UBE2V1: variants seen among roughly 807,000 people sequenced by gnomAD.
The protein encoded by UBE2V1 is ubiquitin conjugating enzyme E2 V1.
A neutral mutation model predicts 19.6 loss-of-function variants in UBE2V1; 15 were observed. The ratio of observed to expected loss-of-function variants is 0.77; its 90% CI spans 0.51 to 1.18. UBE2V1 has a LOEUF of 1.18. Among genes scored for constraint, UBE2V1 ranks in the 50% most tolerant of loss-of-function variants. The pLI is 0.00. For missense variants in UBE2V1, 125 were observed against 184.8 expected, an observed-to-expected ratio of 0.68 and a Z score of 1.88; for synonymous variants, 60 against 60.7, an observed-to-expected ratio of 0.99 and a Z score of 0.05.
At chr20:50,087,837 C>A (rs999485398) in intron 2 of UBE2V1, among the ~76,000 whole-genome samples, 1 of 152,108 alleles carries the variant, frequency 6.6e-6, no homozygotes, top group Non-Finnish European at 1.5e-5. Flanking sequence ...CCGGAGACTT[C>A]GTAGCCTTCT....
chr20:50,113,157 C>A (rs370801471), upstream of UBE2V1: 2 of 1,317,342 alleles, frequency 1.5e-6, no homozygotes, highest in African/African-American at 1.5e-5. Context: ...GAAGGCCGGC[C>A]CCTTCTTCAC....
chr20:50,100,017 G>T (rs1295756882), intron 1 of UBE2V1, among the ~76,000 whole-genome samples: 2 of 152,188 alleles, frequency 1.3e-5, no homozygotes, highest in Non-Finnish European at 2.9e-5. Context: ...AGGGTCACTT[G>T]AGCCAGGAAG....
chr20:50,099,031 T>C, intron 1 of UBE2V1: 2 of 946,280 alleles, frequency 2.1e-6, no homozygotes, highest in African/African-American at 3.5e-5. Context: ...AACACAACTA[T>C]TGTTCAGAAA....
At chr20:50,104,422 C>A (rs1449427929) in intron 1 of UBE2V1, 1 of 877,424 alleles carries the variant, frequency 1.1e-6, no homozygotes, top group Admixed American at 6.2e-5. Flanking sequence ...CTTTGGGAGG[C>A]CGAGGCGGGC....
intron 2 of UBE2V1, among the ~76,000 whole-genome samples, chr20:50,092,572 G>A (rs1040457989): frequency 6.6e-5 from 10 of 152,168 alleles, no homozygotes; most frequent in African/African-American, 1.9e-4. Context: ...AGCCCTACAT[G>A]CCACGTCTGA....
chr20:50,084,039 AG>A (rs2078764953), intron 3 of UBE2V1, 89 bp downstream of exon 3: 1 of 1,507,354 alleles, frequency 6.6e-7, no homozygotes, highest in African/African-American at 1.4e-5. Context: ...CAAAGAACCT[AG>A]GAATTGGGCC....
intron 3 of UBE2V1, chr20:50,083,866 C>G (rs555070650): frequency 1.5e-4 from 42 of 275,816 alleles, no homozygotes; most frequent in Non-Finnish European, 2.3e-4. Flanking sequence ...TCATCTCTAC[C>G]TCACTGGGGT....
At chr20:50,109,815 A>C (rs144944383) in intron 1 of UBE2V1, among the ~76,000 whole-genome samples, 1 of 151,206 alleles carries the variant, frequency 6.6e-6, no homozygotes. Context: ...TCACTGGAGC[A>C]GGCTGCTATT....
intron 2 of UBE2V1, among the ~76,000 whole-genome samples, chr20:50,089,377 T>C (rs1186340783): frequency 1.3e-5 from 2 of 152,000 alleles, no homozygotes; most frequent in Admixed American, 6.5e-5. Flanking sequence ...AAGCTGGAGG[T>C]TGAAACACAC....
At chr20:50,108,973 CT>C (rs2080568041) in intron 1 of UBE2V1, 1 of 985,430 alleles carries the variant, frequency 1.0e-6, no homozygotes, top group Non-Finnish European at 1.2e-6. Flanking sequence ...AAATCCATGC[CT>C]TTTCCATTTC....
chr20:50,094,691 G>A (rs2079519576), intron 2 of UBE2V1, among the ~76,000 whole-genome samples: 1 of 151,660 alleles, frequency 6.6e-6, no homozygotes, highest in African/African-American at 2.4e-5. Context: ...CATTGAGCTA[G>A]AAAGTAGACT....
chr20:50,094,025 T>TAA (rs2079422757), intron 2 of UBE2V1, among the ~76,000 whole-genome samples: 6 of 103,134 alleles, frequency 5.8e-5, no homozygotes, highest in African/African-American at 2.5e-4. Flanking sequence ...ATAATAATAA[T>TAA]AATAATAAAA....
intron 2 of UBE2V1, among the ~76,000 whole-genome samples, chr20:50,093,710 G>A (rs1451470610): frequency 6.6e-6 from 1 of 151,912 alleles, no homozygotes; most frequent in Non-Finnish European, 1.5e-5. Flanking sequence ...ATGTATCTCC[G>A]GCAGGGCGCG....
chr20:50,092,525 G>A (rs944365325), intron 2 of UBE2V1, among the ~76,000 whole-genome samples: 10 of 152,008 alleles, frequency 6.6e-5, no homozygotes, highest in African/African-American at 2.4e-4. Flanking sequence ...AGCCTACAAC[G>A]CACATACCTA....
At chr20:50,091,594 T>C (rs1012012030) in intron 2 of UBE2V1, among the ~76,000 whole-genome samples, 1 of 151,818 alleles carries the variant, frequency 6.6e-6, no homozygotes, top group Non-Finnish European at 1.5e-5. Flanking sequence ...GGTTTCGCCA[T>C]ATTGGCCAGG....
chr20:50,109,944 G>C (rs1335321009), intron 1 of UBE2V1, among the ~76,000 whole-genome samples: 1 of 152,210 alleles, frequency 6.6e-6, no homozygotes, highest in Non-Finnish European at 1.5e-5. Context: ...GAACTGAGAA[G>C]AACTAAGGGA....
At chr20:50,092,692 G>C (rs531618091) in intron 2 of UBE2V1, among the ~76,000 whole-genome samples, 3 of 152,188 alleles carry the variant, frequency 2.0e-5, no homozygotes, top group Non-Finnish European at 4.4e-5. Context: ...ATTGTGCAAG[G>C]AGCAGTTGGC....
chr20:50,098,975 CAT>C, intron 1 of UBE2V1: 1 of 985,390 alleles, frequency 1.0e-6, no homozygotes, highest in South Asian at 4.7e-5. Flanking sequence ...CTGTAGCAAA[CAT>C]AAAACTGAAA....
At chr20:50,100,445 C>A (rs1004845084) in intron 1 of UBE2V1, among the ~76,000 whole-genome samples, 1 of 149,994 alleles carries the variant, frequency 6.7e-6, no homozygotes, top group African/African-American at 2.5e-5. Flanking sequence ...ATTAGCCGGG[C>A]GTGGTGGTGT....
Sources: allele counts gnomAD v4.1 joint callset (sites outside exome capture counted in the v4.1 genomes callset), GRCh38; gene constraint gnomAD v4.1.1; transcripts MANE v1.5; gene names NCBI Gene and HGNC (gene_info 2026-07-23, HGNC 2026-07-21).